The following EYS variants were observed in gnomAD, a reference collection of about 807,000 sequenced individuals.
EYS encodes protein eyes shut homolog.
EYS carries 250 observed loss-of-function variants against 282.1 expected under a neutral mutation model. The ratio of observed to expected loss-of-function variants is 0.89; its 90% CI spans 0.80 to 0.98. The LOEUF (loss-of-function observed/expected upper bound fraction) is 0.98. Among genes scored for constraint, EYS ranks in the 50% least tolerant of loss-of-function variants. The probability of loss-of-function intolerance (pLI) is 0.00; values close to 1 mark genes in which losing one functional copy is unlikely to be tolerated. For synonymous variants in EYS, 1,355 were observed against 1,282.9 expected, an observed-to-expected ratio of 1.06 and a Z score of -1.20; for missense variants, 4,016 against 3,709.0, an observed-to-expected ratio of 1.08 and a Z score of -2.15.
At chr6:65,695,127 G>A (rs1296028695) in intron 1 of EYS, among the ~76,000 whole-genome samples, 2 of 151,956 alleles carry the variant, frequency 1.3e-5, no homozygotes, top group Non-Finnish European at 2.9e-5. Flanking sequence ...GGCAAATTAG[G>A]TGTCCATGTA....
chr6:63,846,876 C>A (rs1312196478), intron 36 of EYS, among the ~76,000 whole-genome samples: 4 of 152,048 alleles, frequency 2.6e-5, no homozygotes, highest in African/African-American at 9.7e-5. Context: ...AATACATGAG[C>A]TTTTGCAAGC....
At chr6:64,232,937 C>T (rs1582460984) in intron 30 of EYS, among the ~76,000 whole-genome samples, 1 of 152,126 alleles carries the variant, frequency 6.6e-6, no homozygotes, top group East Asian at 1.9e-4. Context: ...AATGGCAATG[C>T]TAATATGAAT....
At chr6:64,635,334 C>T (rs1238522287) in intron 22 of EYS, among the ~76,000 whole-genome samples, 1 of 152,108 alleles carries the variant, frequency 6.6e-6, no homozygotes, top group Non-Finnish European at 1.5e-5. Context: ...CGCCTGATTG[C>T]CCTGGCCAGA....
chr6:65,129,900 A>C (rs1210238209), intron 12 of EYS, among the ~76,000 whole-genome samples: 1 of 151,966 alleles, frequency 6.6e-6, no homozygotes, highest in African/African-American at 2.4e-5. Flanking sequence ...AAGCCATGAA[A>C]TTAACCCAGG....
intron 12 of EYS, among the ~76,000 whole-genome samples, chr6:65,258,595 A>T (rs1488209291): frequency 6.6e-6 from 1 of 152,102 alleles, no homozygotes; most frequent in East Asian, 1.9e-4. Context: ...AAGGTTAGGA[A>T]AATGTCTTTC....
At chr6:65,066,883 C>A (rs906904745) in intron 12 of EYS, among the ~76,000 whole-genome samples, 9 of 151,998 alleles carry the variant, frequency 5.9e-5, no homozygotes, top group Admixed American at 5.9e-4. Flanking sequence ...ATCTGCTTAA[C>A]AATATCAAAT....
At chr6:64,453,147 A>C (rs557659027) in intron 26 of EYS, among the ~76,000 whole-genome samples, 14 of 151,478 alleles carry the variant, frequency 9.2e-5, no homozygotes, top group Non-Finnish European at 1.0e-4. Flanking sequence ...AATGAACTCC[A>C]ACAAATTTAC....
At chr6:65,486,847 T>C (rs995502414) in intron 5 of EYS, among the ~76,000 whole-genome samples, 4 of 152,220 alleles carry the variant, frequency 2.6e-5, no homozygotes, top group Non-Finnish European at 5.9e-5. Flanking sequence ...AAGTAAAATA[T>C]AGAACTCCTA....
chr6:63,955,080 G>A (rs1272226343), intron 35 of EYS, among the ~76,000 whole-genome samples: 1 of 152,116 alleles, frequency 6.6e-6, no homozygotes, highest in Non-Finnish European at 1.5e-5. Flanking sequence ...CTCTTGGTCT[G>A]GGTAGACACT....
At chr6:65,619,346 T>C (rs1444738224) in intron 2 of EYS, among the ~76,000 whole-genome samples, 6 of 152,056 alleles carry the variant, frequency 3.9e-5, no homozygotes, top group Admixed American at 3.9e-4. Flanking sequence ...ATGATTTGCC[T>C]CTCTGTTTGT....
intron 2 of EYS, among the ~76,000 whole-genome samples, chr6:65,615,303 A>AT (rs1766146392): frequency 6.6e-6 from 1 of 151,728 alleles, no homozygotes; most frequent in South Asian, 2.1e-4. Context: ...TTAAATGAGC[A>AT]TTGGCCAATT....
intron 19 of EYS, among the ~76,000 whole-genome samples, chr6:64,857,343 G>A (rs1766095733): frequency 6.6e-6 from 1 of 152,092 alleles, no homozygotes; most frequent in South Asian, 2.1e-4. Flanking sequence ...CCATATGTAA[G>A]TGAAATAATG....
chr6:65,433,699 T>G lies in EYS; in HGVS notation c.863-28332A>C, dbSNP rs941012549. The stretch of plus-strand genomic sequence containing the variant: ...CGGGAGTTGTTAATAATTTGATAGC[T>G]TTATAAGATTATTTGTTAATAAAAA... On this transcript the variant is annotated intron_variant, in intron 5 of 42. Coordinates refer to ENST00000503581, the MANE Select transcript of EYS (RefSeq NM_001142800.2). Among the ~76,000 whole-genome samples the G allele has an allele frequency of 3.9e-5, 6 of 152,192 alleles. No homozygotes were observed. The East Asian group carries it at 9.6e-4, about 24-fold the overall frequency.
At chr6:65,346,000 A>C (rs1458321214) in intron 9 of EYS, among the ~76,000 whole-genome samples, 1 of 151,814 alleles carries the variant, frequency 6.6e-6, no homozygotes, top group Non-Finnish European at 1.5e-5. Flanking sequence ...CTCTCTCCCA[A>C]CTCAGTGATC....
chr6:64,522,028 A>T (rs769867179), intron 26 of EYS, among the ~76,000 whole-genome samples: 12 of 151,814 alleles, frequency 7.9e-5, no homozygotes, highest in Non-Finnish European at 1.2e-4. Context: ...TGTGGACAGT[A>T]AGCAGTCCTT....
intron 30 of EYS, among the ~76,000 whole-genome samples, chr6:64,297,068 A>G (rs1442028475): frequency 6.6e-6 from 1 of 152,204 alleles, no homozygotes; most frequent in African/African-American, 2.4e-5. Flanking sequence ...TGTGGCAGGC[A>G]GTTGTGTGCA....
chr6:64,867,503 G>T (rs1583239516), intron 19 of EYS, among the ~76,000 whole-genome samples: 1 of 151,694 alleles, frequency 6.6e-6, no homozygotes, highest in Middle Eastern at 3.4e-3. Flanking sequence ...GTGATCCTAT[G>T]ACACATAGAG....
chr6:65,146,832 G>T (rs1273566094), intron 12 of EYS, among the ~76,000 whole-genome samples: 3 of 152,040 alleles, frequency 2.0e-5, no homozygotes, highest in Non-Finnish European at 2.9e-5. Flanking sequence ...CCATTTATCA[G>T]TTTAATTTTT....
At chr6:64,043,865 C>T (rs1770500955) in intron 33 of EYS, among the ~76,000 whole-genome samples, 1 of 152,190 alleles carries the variant, frequency 6.6e-6, no homozygotes, top group South Asian at 2.1e-4. Context: ...GAAATGAAAA[C>T]ACACTTATTT....
Sources: gnomAD v4.1 joint callset for allele counts (sites outside exome capture counted in the v4.1 genomes callset) on GRCh38, gnomAD v4.1.1 for gene constraint, MANE v1.5 for transcripts, NCBI Gene and HGNC (gene_info 2026-07-23, HGNC 2026-07-21) for gene names.